WASF1: variants seen among roughly 807,000 people sequenced by gnomAD.
WASF1 encodes the protein actin-binding protein WASF1.
A neutral mutation model predicts 50.5 loss-of-function variants in WASF1; 7 were observed. The observed-to-expected ratio is 0.14, with a 90% CI of 0.08 to 0.26. WASF1 has a LOEUF of 0.26. Ranked by LOEUF, WASF1 falls within the 10% of genes least tolerant of loss-of-function variation. WASF1 has a pLI of 1.00. For missense variants in WASF1, 470 were observed against 694.7 expected, an observed-to-expected ratio of 0.68 and a Z score of 3.64; for synonymous variants, 205 against 244.0, an observed-to-expected ratio of 0.84 and a Z score of 1.49.
intron 2 of WASF1, among the ~76,000 whole-genome samples, chr6:110,163,121 T>C (rs568750447): frequency 6.6e-6 from 1 of 151,700 alleles, no homozygotes; most frequent in Non-Finnish European, 1.5e-5. Context: ...AAAAACATAA[T>C]AACATATGTT....
chr6:110,170,826 G>C (rs952577321), intron 2 of WASF1, among the ~76,000 whole-genome samples: 7 of 152,118 alleles, frequency 4.6e-5, no homozygotes, highest in African/African-American at 2.4e-5. Flanking sequence ...GTAGGTTTCT[G>C]AGCGAGGGAA....
intron 5 of WASF1, among the ~76,000 whole-genome samples, chr6:110,109,047 C>T (rs1387433612): frequency 6.6e-6 from 1 of 152,132 alleles, no homozygotes; most frequent in African/African-American, 2.4e-5. Flanking sequence ...TTCCATCTCC[C>T]TTTATTCCTT....
intron 9 of WASF1, among the ~76,000 whole-genome samples, chr6:110,103,022 C>T (rs929625438): frequency 2.0e-5 from 3 of 152,120 alleles, no homozygotes; most frequent in Non-Finnish European, 4.4e-5. Flanking sequence ...TAATACACTG[C>T]ACATGATATG....
intron 3 of WASF1, among the ~76,000 whole-genome samples, chr6:110,134,892 T>C (rs1774875630): frequency 6.6e-6 from 1 of 152,186 alleles, no homozygotes; most frequent in Admixed American, 6.5e-5. Flanking sequence ...GAGTTTTTTT[T>C]CTAGTTCTGT....
chr6:110,140,045 T>C (rs1332968435), intron 3 of WASF1, among the ~76,000 whole-genome samples: 1 of 152,196 alleles, frequency 6.6e-6, no homozygotes, highest in East Asian at 1.9e-4. Context: ...TGCTTTTTTG[T>C]AGGATTGGGG....
chr6:110,107,960 G>A (rs1403333847), intron 6 of WASF1, among the ~76,000 whole-genome samples: 2 of 151,752 alleles, frequency 1.3e-5, no homozygotes, highest in East Asian at 1.9e-4. Context: ...AGGTCAGATC[G>A]AGACCATCCT....
chr6:110,169,640 A>T (rs1776615266), intron 2 of WASF1, among the ~76,000 whole-genome samples: 1 of 152,136 alleles, frequency 6.6e-6, no homozygotes, highest in Admixed American at 6.6e-5. Flanking sequence ...TAACAAGTAA[A>T]TCAAAATAAT....
intron 3 of WASF1, among the ~76,000 whole-genome samples, chr6:110,130,211 AG>A (rs1051936758): frequency 2.3e-4 from 35 of 152,300 alleles, no homozygotes; most frequent in Middle Eastern, 3.4e-3. Context: ...CATGAAATGT[AG>A]AGAAAAAAAG....
At chr6:110,155,366 A>G (rs1290789209) in intron 3 of WASF1, among the ~76,000 whole-genome samples, 2 of 151,952 alleles carry the variant, frequency 1.3e-5, no homozygotes, top group Admixed American at 1.3e-4. Context: ...GCTTGGAATG[A>G]GATTAAGAGA....
intron 2 of WASF1, among the ~76,000 whole-genome samples, chr6:110,176,778 C>T (rs964557642): frequency 7.2e-5 from 11 of 152,042 alleles, no homozygotes; most frequent in Non-Finnish European, 1.0e-4. Flanking sequence ...ACCCAAGTGA[C>T]GGTGTCAGCT....
At chr6:110,134,404 T>C (rs1381248131) in intron 3 of WASF1, among the ~76,000 whole-genome samples, 1 of 151,830 alleles carries the variant, frequency 6.6e-6, no homozygotes, top group Admixed American at 6.6e-5. Context: ...TCTATTCTGT[T>C]CCATTGTTCT....
chr6:110,151,846 T>A (rs1775839572), intron 3 of WASF1, among the ~76,000 whole-genome samples: 1 of 152,332 alleles, frequency 6.6e-6, no homozygotes, highest in East Asian at 1.9e-4. Flanking sequence ...ATGGAAATGC[T>A]ATGCCAAATC....
At chr6:110,177,186 C>T (rs893132114) in intron 2 of WASF1, 1 of 151,958 alleles carries the variant, frequency 6.6e-6, no homozygotes, top group Non-Finnish European at 1.5e-5. Context: ...GATTGTAACA[C>T]CTGCAAATTT....
chr6:110,143,540 T>C (rs1241235918), intron 3 of WASF1, among the ~76,000 whole-genome samples: 1 of 152,078 alleles, frequency 6.6e-6, no homozygotes, highest in East Asian at 1.9e-4. Flanking sequence ...AAATTCTGAT[T>C]TCAGAACTCA....
chr6:110,169,454 C>T (rs1776604211), intron 2 of WASF1, among the ~76,000 whole-genome samples: 1 of 152,130 alleles, frequency 6.6e-6, no homozygotes, highest in Admixed American at 6.6e-5. Context: ...TCTCCATTAA[C>T]CAGTTCAGTC....
intron 3 of WASF1, among the ~76,000 whole-genome samples, chr6:110,158,410 T>A (rs1480671154): frequency 6.0e-5 from 8 of 133,826 alleles, no homozygotes; most frequent in African/African-American, 2.5e-4. Flanking sequence ...ATATCCCCTT[T>A]ATCATTTTTT....
chr6:110,107,765 A>G (rs1773384424), intron 6 of WASF1, among the ~76,000 whole-genome samples: 1 of 152,224 alleles, frequency 6.6e-6, no homozygotes, highest in Non-Finnish European at 1.5e-5. Flanking sequence ...AAGAACTTCA[A>G]AGAAAGGCTA....
At chr6:110,148,830 TGTGATA>T (rs1775696650) in intron 3 of WASF1, among the ~76,000 whole-genome samples, 2 of 152,172 alleles carry the variant, frequency 1.3e-5, no homozygotes, top group South Asian at 4.1e-4. Context: ...ACTTGGACTA[TGTGATA>T]GTGATACAGA....
At chr6:110,144,780 A>G (rs997996280) in intron 3 of WASF1, among the ~76,000 whole-genome samples, 13 of 152,076 alleles carry the variant, frequency 8.5e-5, no homozygotes, top group African/African-American at 2.2e-4. Flanking sequence ...GATATGCGGC[A>G]TTATTTCTGA....
Sources: allele counts gnomAD v4.1 joint callset (sites outside exome capture counted in the v4.1 genomes callset), GRCh38; gene constraint gnomAD v4.1.1; transcripts MANE v1.5; gene names NCBI Gene and HGNC (gene_info 2026-07-23, HGNC 2026-07-21).